DEF6: variants seen among roughly 807,000 people sequenced by gnomAD.
DEF6 encodes differentially expressed in FDCP 6 homolog.
Under a neutral mutation model 80.5 loss-of-function variants are expected in DEF6, and 32 were observed. The ratio of observed to expected loss-of-function variants is 0.40; its 90% CI spans 0.30 to 0.53. The LOEUF (loss-of-function observed/expected upper bound fraction) is 0.53, where lower values mean the gene tolerates loss of function less well. Ranked by LOEUF, DEF6 falls within the 20% of genes least tolerant of loss-of-function variation. The pLI, the probability that DEF6 is intolerant of heterozygous loss-of-function variation, is 0.57. For synonymous variants in DEF6, 300 were observed against 337.9 expected, an observed-to-expected ratio of 0.89 and a Z score of 1.23; for missense variants, 575 against 818.7, an observed-to-expected ratio of 0.70 and a Z score of 3.63.
chr6:35,312,809 C>A lies in DEF6; in HGVS notation c.807+37C>A. ...GATGGGGGTGGAGGACATCTCAGGG[C>A]CCAGAGTGTCCTCAGGGGCATGAGA... On this transcript the variant is annotated intron_variant, in intron 5 of 10. Coordinates refer to ENST00000316637, the MANE Select transcript of DEF6 (RefSeq NM_022047.4). The surrounding 1 kb of genome is among the most constrained non-coding windows in gnomAD (Gnocchi z 6.6). 1 of 1,593,538 alleles carries A rather than the reference C, an allele frequency of 6.3e-7. No homozygotes were observed. The highest frequency in any genetic ancestry group is 8.6e-7 in the Non-Finnish European group (1 of 1,169,484).
Position 35,308,257 on chromosome 6 carries a change from G to A in DEF6, c.97-1413G>A, listed in dbSNP as rs144939975. On this transcript the variant is annotated intron_variant, in intron 1 of 10. Coordinates refer to ENST00000316637, the MANE Select transcript of DEF6 (RefSeq NM_022047.4). ...GGTATAAAAAGCGCTTTGACTGGGT[G>A]TAGTGGCTCATGCCTGAAATCCCAG... 1.5e-3 allele frequency among the ~76,000 whole-genome samples: 221 copies of A among 152,180 alleles called. 2 individuals are homozygous for A. The highest frequency in any genetic ancestry group is 0.014 in the Middle Eastern group (4 of 294).
intron 1 of DEF6, among the ~76,000 whole-genome samples, chr6:35,299,524 C>T (rs1167410945): frequency 6.6e-6 from 1 of 152,182 alleles, no homozygotes; most frequent in Non-Finnish European, 1.5e-5. Context: ...GCCAGTAAAG[C>T]CTCCTAGCTT....
chr6:35,316,731 C>G (rs1271979355), intron 5 of DEF6, among the ~76,000 whole-genome samples: 3 of 152,136 alleles, frequency 2.0e-5, no homozygotes, highest in Non-Finnish European at 4.4e-5. Context: ...TTGAACCATC[C>G]TTGCATCCCT....
chr6:35,321,213 T>A lies in DEF6; in HGVS notation c.1699T>A (p.Phe567Ile). 1 of 1,612,776 alleles carries A rather than the reference T, an allele frequency of 6.2e-7. No individual in the cohort carries two copies. Among genetic ancestry groups the A allele is most frequent in the Non-Finnish European group, 8.5e-7 (1 of 1,179,914 alleles). ...GDKRPVTSSS[F>I]SGFQPPLLAH... ...TAAGCGTCCGGTCACCAGCAGCTCCTTCTCAGGCTTCCAGCCCCCTCTGCT... is the reference window on the plus strand; with the variant it reads ...TAAGCGTCCGGTCACCAGCAGCTCCATCTCAGGCTTCCAGCCCCCTCTGCT... The change falls in exon 11 of 11, where the codon TTC becomes ATC. Residue 567 changes from phenylalanine (F) to isoleucine (I), a missense_variant. Coordinates refer to ENST00000316637, the MANE Select transcript of DEF6 (RefSeq NM_022047.4).
chr6:35,321,129 C>A, intron 10 of DEF6, 58 bp from the exon 11 acceptor site: 1 of 1,576,904 alleles, frequency 6.3e-7, no homozygotes, highest in South Asian at 1.1e-5. Flanking sequence ...GAGGCAAGGC[C>A]CCTCGCCTCT....
At position 35,297,906 on chromosome 6, in the gene DEF6, C is replaced by T. The variant is rs1444209144; in HGVS notation, c.50C>T (p.Ala17Val). ...LLKSIWYAFTALDVEKSGKVS... is the reference protein window; with the variant it reads ...LLKSIWYAFTVLDVEKSGKVS... ...AAGTCCATCTGGTACGCCTTTACCG[C>T]GCTGGACGTGGAGAAGAGTGGCAAA... The change falls in exon 1 of 11, where the codon GCG becomes GTG. Residue 17 changes from alanine (A) to valine (V), a missense_variant. Transcript: ENST00000316637. 2.5e-6 allele frequency: 4 copies of T among 1,607,998 alleles called. No individual in the cohort carries two copies. Among genetic ancestry groups the T allele is most frequent in the Non-Finnish European group, 2.5e-6 (3 of 1,177,718 alleles).
At chr6:35,311,291 T>C (rs1386679410) in intron 3 of DEF6, among the ~76,000 whole-genome samples, 2 of 152,170 alleles carry the variant, frequency 1.3e-5, no homozygotes, top group Non-Finnish European at 2.9e-5. Context: ...TTTAGTCCTC[T>C]TGGTGGCTGT....
intron 1 of DEF6, among the ~76,000 whole-genome samples, chr6:35,308,160 C>T (rs1293031206): frequency 1.3e-5 from 2 of 152,166 alleles, no homozygotes; most frequent in African/African-American, 2.4e-5. Flanking sequence ...ATTTCCAAAC[C>T]TCTGTGTCTT....
At chr6:35,320,619 A>G (rs1791579410) in intron 9 of DEF6, among the ~76,000 whole-genome samples, 1 of 152,214 alleles carries the variant, frequency 6.6e-6, no homozygotes, top group African/African-American at 2.4e-5. Context: ...GATAATAAAT[A>G]TGCTTAGCAC....
chr6:35,310,397 G>T, intron 2 of DEF6, 62 bp from the exon 3 acceptor site: 1 of 1,581,060 alleles, frequency 6.3e-7, no homozygotes, highest in Non-Finnish European at 8.6e-7. Flanking sequence ...AAACCCAGCT[G>T]GAGCCTAGTG....
chr6:35,316,735 C>G (rs1791529341), intron 5 of DEF6, among the ~76,000 whole-genome samples: 1 of 152,192 alleles, frequency 6.6e-6, no homozygotes, highest in South Asian at 2.1e-4. Flanking sequence ...ACCATCCTTG[C>G]ATCCCTGGGA....
At chr6:35,298,477 G>T (rs1458460907) in intron 1 of DEF6, among the ~76,000 whole-genome samples, 1 of 152,202 alleles carries the variant, frequency 6.6e-6, no homozygotes, top group East Asian at 1.9e-4. Flanking sequence ...GAGCTGCGGA[G>T]TGGGTGAGGA....
intron 1 of DEF6, among the ~76,000 whole-genome samples, chr6:35,305,565 GGTGTGTGT>G (rs1442099998): frequency 6.6e-6 from 1 of 150,736 alleles, no homozygotes; most frequent in African/African-American, 2.4e-5. Flanking sequence ...TTTTTGTGGG[GGTGTGTGT>G]GTGTATGTGT....
chr6:35,319,675 G>T lies in DEF6; in HGVS notation c.1367G>T (p.Arg456Leu). The change falls in exon 8 of 11, where the codon CGA (arginine) becomes CTA (leucine). Residue 456 changes from arginine to leucine, a missense_variant. Arg to Leu is a moderately radical substitution (Grantham distance 102). Coordinates refer to ENST00000316637, the MANE Select transcript of DEF6 (RefSeq NM_022047.4). The surrounding 1 kb of genome is among the most constrained non-coding windows in gnomAD (Gnocchi z 4.5). The stretch of plus-strand genomic sequence containing the variant: ...GCTCGGCGAGATGAAGAATCTGTGC[G>T]AATCGCTCAGACCAGGTAGGCCTGA... ...VKARRDEESV[R>L]IAQTRLLEEE... 6.2e-7 allele frequency: 1 copy of T among 1,612,398 alleles called. No individual in the cohort carries two copies. The highest frequency in any genetic ancestry group is 1.1e-5 in the South Asian group (1 of 90,890).
At chr6:35,309,023 G>T (rs1227067754) in intron 1 of DEF6, among the ~76,000 whole-genome samples, 1 of 152,140 alleles carries the variant, frequency 6.6e-6, no homozygotes, top group Non-Finnish European at 1.5e-5. Context: ...TCCATGTCAT[G>T]GACCATTTTT....
intron 1 of DEF6, among the ~76,000 whole-genome samples, chr6:35,304,935 C>A (rs1791370155): frequency 6.6e-6 from 1 of 150,884 alleles, no homozygotes; most frequent in Non-Finnish European, 1.5e-5. Context: ...AAAGAAAACA[C>A]ACAGAAGAAT....
rs1791485568 is a variant in DEF6, at chr6:35,312,845, G to A, written c.807+73G>A. The stretch of plus-strand genomic sequence containing the variant: ...CTCAGGGGCATGAGAAGACAAGGGG[G>A]TCAGGAGAGGGGCAAATGGAGAAAA... On this transcript the variant is annotated intron_variant, in intron 5 of 10. Coordinates refer to ENST00000316637, the MANE Select transcript of DEF6 (RefSeq NM_022047.4). The surrounding 1 kb of genome is among the most constrained non-coding windows in gnomAD (Gnocchi z 6.6). 6.7e-7 allele frequency: 1 copy of A among 1,497,038 alleles called. No individual in the cohort carries two copies. Among genetic ancestry groups the A allele is most frequent in the Non-Finnish European group, 9.1e-7 (1 of 1,101,738 alleles). The allele number at this position is 1,497,038 out of a possible 1,614,324, so 92.7% of individuals were successfully genotyped here. A position where few individuals can be genotyped will look rare whatever the true frequency, so the allele number is the denominator to read the frequency against.
chr6:35,310,129 T>TCC (rs1472760252), intron 2 of DEF6, among the ~76,000 whole-genome samples: 1 of 151,904 alleles, frequency 6.6e-6, no homozygotes, highest in Non-Finnish European at 1.5e-5. Flanking sequence ...CCCCCTGAAC[T>TCC]CCCCCTCCAA....
intron 1 of DEF6, among the ~76,000 whole-genome samples, chr6:35,299,536 A>G (rs1791285046): frequency 1.3e-5 from 2 of 152,060 alleles, no homozygotes. Flanking sequence ...TCCTAGCTTG[A>G]GCCTCTGTCT....
Sources: gnomAD v4.1 joint callset for allele counts (sites outside exome capture counted in the v4.1 genomes callset) on GRCh38, gnomAD v4.1.1 for gene constraint, Gnocchi (gnomAD v3.1) non-coding constraint, MANE v1.5 for transcripts, NCBI Gene and HGNC (gene_info 2026-07-23, HGNC 2026-07-21) for gene names.